Variants in AGTPBP1 observed in about 807,000 individuals in gnomAD.
The protein encoded by AGTPBP1 is cytosolic carboxypeptidase 1.
A neutral mutation model predicts 143.9 loss-of-function variants in AGTPBP1; 70 were observed. The ratio of observed to expected loss-of-function variants is 0.49; its 90% CI spans 0.40 to 0.59. The LOEUF is 0.59. AGTPBP1 is among the 20% of genes least tolerant of loss of function. The probability of loss-of-function intolerance (pLI) is 0.00; values close to 1 mark genes in which losing one functional copy is unlikely to be tolerated. For missense variants in AGTPBP1, 1,229 were observed against 1,464.5 expected, an observed-to-expected ratio of 0.84 and a Z score of 2.62; for synonymous variants, 463 against 500.2, an observed-to-expected ratio of 0.93 and a Z score of 0.99.
chr9:85,596,357 C>T lies in AGTPBP1; in HGVS notation c.2423+5G>A, dbSNP rs1244042790. ...ACATTCTATTAATATTCTTAAAATA[C>T]TTACTTATAGTAACAAATGTCAGTC... is the stretch of plus-strand genomic sequence containing the variant. On this transcript the variant is annotated splice_donor_5th_base_variant and intron_variant, in intron 18 of 25. Transcript: ENST00000357081. The T allele has an allele frequency of 1.9e-6, 3 of 1,582,216 alleles. No homozygotes were observed. The highest frequency in any genetic ancestry group is 1.7e-6 in the Non-Finnish European group (2 of 1,158,232).
chr9:85,619,302 CTAAATAAAAGTTTTAAAG>C lies in AGTPBP1; in HGVS notation c.2100-19_2100-2del. ...ATCTCCCTCTTCTGGAATGGTGTAA[CTAAATAAAAGTTTTAAAG>C]TAAATGTATTAAAATACATTGCATT... On this transcript the variant is annotated splice_acceptor_variant and splice_polypyrimidine_tract_variant and intron_variant, in intron 15 of 25. Coordinates refer to ENST00000357081, the MANE Select transcript of AGTPBP1 (RefSeq NM_001330701.2). LOFTEE classifies it high-confidence loss of function. The C allele has an allele frequency of 6.2e-7, 1 of 1,603,360 alleles. No homozygotes were observed. Among genetic ancestry groups the C allele is most frequent in the African/African-American group, 1.3e-5 (1 of 74,592 alleles).
intron 14 of AGTPBP1, among the ~76,000 whole-genome samples, chr9:85,627,047 T>A (rs184551955): frequency 5.0e-4 from 76 of 152,208 alleles, no homozygotes; most frequent in Non-Finnish European, 9.1e-4. Context: ...AAGAAACACA[T>A]TTTAAAGATC....
the AGTPBP1 span, among the ~76,000 whole-genome samples, chr9:85,799,075 T>G: frequency 1.3e-5 from 2 of 152,094 alleles, no homozygotes. Context: ...AGTGAGAACG[T>G]GCGGTGTTTG....
chr9:85,664,304 A>C (rs934451272), intron 8 of AGTPBP1, among the ~76,000 whole-genome samples: 1 of 152,110 alleles, frequency 6.6e-6, no homozygotes, highest in Non-Finnish European at 1.5e-5. Context: ...TGGGCTCTAG[A>C]CACTTCTTTG....
chr9:85,762,560 G>A, the AGTPBP1 span, among the ~76,000 whole-genome samples: 19 of 147,830 alleles, frequency 1.3e-4, no homozygotes, highest in African/African-American at 4.8e-4. Context: ...TCATAGGTGC[G>A]AATTGAACAA....
chr9:85,683,484 T>C (rs922073631), intron 3 of AGTPBP1, among the ~76,000 whole-genome samples: 2 of 152,230 alleles, frequency 1.3e-5, no homozygotes, highest in Non-Finnish European at 2.9e-5. Flanking sequence ...TTGAAGACAG[T>C]ATAATGCAGC....
At chr9:85,618,113 A>C (rs1830699727) in intron 17 of AGTPBP1, among the ~76,000 whole-genome samples, 1 of 151,848 alleles carries the variant, frequency 6.6e-6, no homozygotes, top group African/African-American at 2.4e-5. Context: ...GGTGGCACGC[A>C]CCTGTAGTGC....
intron 17 of AGTPBP1, among the ~76,000 whole-genome samples, chr9:85,602,094 A>C (rs1275083466): frequency 6.6e-6 from 1 of 152,258 alleles, no homozygotes; most frequent in Non-Finnish European, 1.5e-5. Context: ...ACGAAAAAAC[A>C]AGAAAATATG....
the AGTPBP1 span, chr9:85,764,691 T>C: frequency 1.0e-6 from 1 of 973,244 alleles, no homozygotes; most frequent in African/African-American, 1.6e-5. Context: ...GGGTGTCTGG[T>C]GGGTTGTATC....
rs759300918 is a variant in AGTPBP1, at chr9:85,681,278, G to A, written c.215C>T (p.Ser72Leu). Residue 72 changes from serine to leucine, a missense_variant, in exon 4 of 26, where the codon TCA becomes TTA. By Grantham distance (145) the Ser-to-Leu change is moderately radical. Transcript: ENST00000357081. ...GTGTCACTGATTTACCTCTAATGTTGACAGCAGAATTTCCATTCCTGTAGA... is the reference window on the plus strand; with the variant it reads ...GTGTCACTGATTTACCTCTAATGTTAACAGCAGAATTTCCATTCCTGTAGA... ...KGSTGMEILL[S>L]TLENTKDLQT... The A allele has an allele frequency of 7.4e-6, 12 of 1,612,654 alleles. No homozygotes were observed. The highest frequency in any genetic ancestry group is 1.3e-5 in the African/African-American group (1 of 74,832).
intron 1 of AGTPBP1, among the ~76,000 whole-genome samples, chr9:85,734,369 A>T (rs1256982559): frequency 6.6e-6 from 1 of 152,188 alleles, no homozygotes; most frequent in African/African-American, 2.4e-5. Flanking sequence ...ACTCTTCCAG[A>T]AAAGTGAAGA....
the AGTPBP1 span, among the ~76,000 whole-genome samples, chr9:85,775,481 G>A: frequency 8.3e-4 from 123 of 148,160 alleles, 1 homozygote; most frequent in African/African-American, 8.2e-4. Context: ...TATTAATCAA[G>A]GATCTCTAAA....
chr9:85,561,073 T>C (rs1043291381), intron 25 of AGTPBP1, among the ~76,000 whole-genome samples: 1 of 152,110 alleles, frequency 6.6e-6, no homozygotes, highest in South Asian at 2.1e-4. Context: ...AACTTAGCCT[T>C]AAAAGAGACC....
chr9:85,691,536 G>GGGGTGT (rs147512485), intron 3 of AGTPBP1, among the ~76,000 whole-genome samples: 1,945 of 144,538 alleles, frequency 0.013, 40 homozygotes, highest in African/African-American at 0.037. Flanking sequence ...AAAAAAAGAG[G>GGGGTGT]GTGTGTGTGT....
chr9:85,713,396 T>C (rs1173914161), intron 1 of AGTPBP1, among the ~76,000 whole-genome samples: 1 of 152,136 alleles, frequency 6.6e-6, no homozygotes, highest in Non-Finnish European at 1.5e-5. Flanking sequence ...CTGGGTGTGG[T>C]GGCAGGTGCC....
the AGTPBP1 span, among the ~76,000 whole-genome samples, chr9:85,749,098 G>T: frequency 6.7e-6 from 1 of 148,180 alleles, no homozygotes; most frequent in East Asian, 2.1e-4. Context: ...GGGCTCAAGC[G>T]ATCCTCCCAC....
chr9:85,730,254 G>A (rs1838789884), intron 1 of AGTPBP1, among the ~76,000 whole-genome samples: 3 of 152,192 alleles, frequency 2.0e-5, no homozygotes, highest in Admixed American at 6.5e-5. Context: ...CTTAATGCCT[G>A]TGCCAGATAT....
At chr9:85,699,156 A>G (rs1209386684) in intron 2 of AGTPBP1, among the ~76,000 whole-genome samples, 1 of 152,124 alleles carries the variant, frequency 6.6e-6, no homozygotes, top group Non-Finnish European at 1.5e-5. Context: ...TCATTTATTT[A>G]TTTATTTTTA....
At chr9:85,648,766 C>A (rs1185008740) in intron 11 of AGTPBP1, among the ~76,000 whole-genome samples, 1 of 151,940 alleles carries the variant, frequency 6.6e-6, no homozygotes, top group Non-Finnish European at 1.5e-5. Context: ...GAGCTGAGAT[C>A]GCGCCACTGC....
Sources: gnomAD v4.1 joint callset for allele counts (sites outside exome capture counted in the v4.1 genomes callset) on GRCh38, gnomAD v4.1.1 for gene constraint, MANE v1.5 for transcripts, NCBI Gene and HGNC (gene_info 2026-07-23, HGNC 2026-07-21) for gene names.